The following THADA variants were observed in gnomAD, a reference collection of about 807,000 sequenced individuals.
The protein encoded by THADA is THADA armadillo repeat containing, also known as tRNA (32-2'-O)-methyltransferase regulator THADA.
THADA carries 213 observed loss-of-function variants against 219.8 expected under a neutral mutation model. That is an observed-to-expected ratio of 0.97 (90% CI 0.87 to 1.09). The LOEUF is 1.09. Among genes scored for constraint, THADA ranks in the 50% least tolerant of loss-of-function variants. The pLI, the probability that THADA is intolerant of heterozygous loss-of-function variation, is 0.00. For synonymous variants in THADA, 1,018 were observed against 828.9 expected, an observed-to-expected ratio of 1.23 and a Z score of -3.92; for missense variants, 2,956 against 2,311.3, an observed-to-expected ratio of 1.28 and a Z score of -5.72.
intron 31 of THADA, among the ~76,000 whole-genome samples, chr2:43,307,358 G>C (rs1676982704): frequency 6.6e-6 from 1 of 151,748 alleles, no homozygotes; most frequent in Non-Finnish European, 1.5e-5. Context: ...TGTATAGTGA[G>C]AGAGCTCTGG....
chr2:43,476,995 A>G (rs573814276), intron 26 of THADA, among the ~76,000 whole-genome samples: 7 of 152,322 alleles, frequency 4.6e-5, no homozygotes, highest in African/African-American at 1.4e-4. Context: ...ACTACCTACT[A>G]TATGTAGGAC....
chr2:43,400,926 C>CT (rs1674756433), intron 28 of THADA, among the ~76,000 whole-genome samples: 3 of 151,986 alleles, frequency 2.0e-5, no homozygotes, highest in African/African-American at 7.3e-5. Flanking sequence ...CAAAGAGGGT[C>CT]TTTTTTTGGC....
At chr2:43,411,068 CA>C (rs1211462557) in intron 28 of THADA, among the ~76,000 whole-genome samples, 3 of 152,144 alleles carry the variant, frequency 2.0e-5, no homozygotes, top group Admixed American at 6.6e-5. Context: ...TTTAAAAAAT[CA>C]AATCAATAAA....
At chr2:43,308,812 A>T in intron 31 of THADA, among the ~76,000 whole-genome samples, 1 of 151,570 alleles carries the variant, frequency 6.6e-6, no homozygotes, top group African/African-American at 2.4e-5. Flanking sequence ...CATGATACAC[A>T]TGAAAATTAA....
At chr2:43,363,938 T>C (rs963570651) in intron 29 of THADA, among the ~76,000 whole-genome samples, 9 of 151,984 alleles carry the variant, frequency 5.9e-5, no homozygotes, top group Non-Finnish European at 1.3e-4. Flanking sequence ...ATAAAAAAAT[T>C]AGGCCAGGCA....
At position 43,292,211 on chromosome 2, in the gene THADA, A is replaced by G; in HGVS notation, c.4830T>C (p.Ile1610=). The change falls in exon 33 of 38, where the codon ATT becomes ATC. Residue 1610 remains isoleucine (I), a synonymous_variant. Transcript: ENST00000405975. The part of the protein sequence containing the change: ...HPECFCKILK[I]LHCMDPGEWL... ...ACTCACCAGGGTCCATGCAGTGGAG[A>G]ATTTTCAGTATCTGTGTAAGCCAAA... 6.2e-7 allele frequency: 1 copy of G among 1,603,402 alleles called. No homozygotes were observed. The highest frequency in any genetic ancestry group is 1.1e-5 in the South Asian group (1 of 88,826).
chr2:43,314,189 G>T (rs1294472265), intron 31 of THADA, among the ~76,000 whole-genome samples: 1 of 152,076 alleles, frequency 6.6e-6, no homozygotes, highest in Non-Finnish European at 1.5e-5. Flanking sequence ...GGGTATGGAT[G>T]GACAAATCCT....
In THADA at chr2:43,267,605, T is replaced by C. The variant is rs140398039; in HGVS notation, c.5296+12160A>G. Reference sequence around the variant, plus strand: ...TGGCTGATAAGATCCATGGAAGTGGTGCATGTGACTTCCAGGCTGGCCCTT... The same window carrying C: ...TGGCTGATAAGATCCATGGAAGTGGCGCATGTGACTTCCAGGCTGGCCCTT... On this transcript the variant is annotated intron_variant, in intron 36 of 37. Transcript: ENST00000405975. Among the ~76,000 whole-genome samples, 904 of 152,254 alleles carry C rather than the reference T, an allele frequency of 5.9e-3. 13 individuals are homozygous for C. The highest frequency in any genetic ancestry group is 0.021 in the African/African-American group (853 of 41,548).
At chr2:43,270,755 G>C (rs938079185) in intron 36 of THADA, among the ~76,000 whole-genome samples, 21 of 152,196 alleles carry the variant, frequency 1.4e-4, no homozygotes, top group African/African-American at 4.6e-4. Context: ...GCTGAGGTGG[G>C]AGGATCCCTT....
intron 26 of THADA, among the ~76,000 whole-genome samples, chr2:43,457,185 T>C (rs1052053913): frequency 1.7e-3 from 139 of 81,036 alleles, no homozygotes; most frequent in Admixed American, 5.0e-3. Context: ...CACACACACA[T>C]GCACAGTGAG....
intron 29 of THADA, among the ~76,000 whole-genome samples, chr2:43,380,663 G>T (rs1671901125): frequency 6.6e-6 from 1 of 152,186 alleles, no homozygotes; most frequent in African/African-American, 2.4e-5. Context: ...CACCCTAGTA[G>T]CCATGAGCAT....
Position 43,514,706 on chromosome 2 carries a change from A to G in THADA, c.3375-5926T>C, listed in dbSNP as rs1283749854. The stretch of plus-strand genomic sequence containing the variant: ...ATATTATATATAATATATATAATAT[A>G]TATATAAATATATATTATATATAAT... On this transcript the variant is annotated intron_variant, in intron 22 of 37. Transcript: ENST00000405975. Among the ~76,000 whole-genome samples, 112 of 73,542 alleles carry G rather than the reference A, an allele frequency of 1.5e-3. 6 individuals carry two copies. The highest frequency in any genetic ancestry group is 3.4e-3 in the Admixed American group (16 of 4,666). The allele number at this position is 73,542 out of a possible 152,430, so 48.2% of individuals were successfully genotyped here. A position where few individuals can be genotyped will look rare whatever the true frequency, so the allele number is the denominator to read the frequency against.
intron 26 of THADA, among the ~76,000 whole-genome samples, chr2:43,475,638 G>A (rs1264665836): frequency 6.6e-6 from 1 of 152,124 alleles, no homozygotes; most frequent in Non-Finnish European, 1.5e-5. Flanking sequence ...TTCGTGGTTA[G>A]GAACTGATTA....
chr2:43,462,662 T>C (rs1200815744), intron 26 of THADA, among the ~76,000 whole-genome samples: 1 of 152,126 alleles, frequency 6.6e-6, no homozygotes, highest in East Asian at 1.9e-4. Context: ...AGAATTTTGG[T>C]TTCTCTTCAT....
At chr2:43,325,368 A>T (rs1394810550) in intron 30 of THADA, among the ~76,000 whole-genome samples, 2 of 152,010 alleles carry the variant, frequency 1.3e-5, no homozygotes, top group Non-Finnish European at 2.9e-5. Flanking sequence ...TTAAGAGGCT[A>T]CTGAGAGCCA....
chr2:43,536,866 A>G (rs920934860), intron 21 of THADA, among the ~76,000 whole-genome samples: 19 of 152,228 alleles, frequency 1.2e-4, no homozygotes, highest in Non-Finnish European at 2.2e-4. Context: ...TGTGAGAAAT[A>G]AATAATAAGA....
intron 30 of THADA, among the ~76,000 whole-genome samples, chr2:43,322,810 G>A (rs895897717): frequency 5.6e-5 from 8 of 143,388 alleles, no homozygotes; most frequent in South Asian, 2.4e-4. Context: ...CTCAGCCTCC[G>A]GAGTAGCTGG....
intron 26 of THADA, among the ~76,000 whole-genome samples, chr2:43,480,230 C>T (rs1023107704): frequency 6.6e-6 from 1 of 152,208 alleles, no homozygotes; most frequent in Non-Finnish European, 1.5e-5. Flanking sequence ...TACTGCCTAC[C>T]TCGCAGAGCT....
chr2:43,248,150 TATATATATATATATAGAGAGAGAG>T (rs1178337829), intron 36 of THADA, among the ~76,000 whole-genome samples: 130 of 91,786 alleles, frequency 1.4e-3, no homozygotes, highest in African/African-American at 3.5e-3. Context: ...TATATATATA[TATATATATATATATAGAGAGAGAG>T]AGAGAGAGAG....
Sources: allele counts gnomAD v4.1 joint callset (sites outside exome capture counted in the v4.1 genomes callset), GRCh38; gene constraint gnomAD v4.1.1; transcripts MANE v1.5; gene names NCBI Gene and HGNC (gene_info 2026-07-23, HGNC 2026-07-21).